ANKFY1: variants seen among roughly 807,000 people sequenced by gnomAD.
ANKFY1 encodes the protein ankyrin repeat and FYVE domain-containing protein 1.
Under a neutral mutation model 128.3 loss-of-function variants are expected in ANKFY1, and 47 were observed. The ratio of observed to expected loss-of-function variants is 0.37; its 90% CI spans 0.29 to 0.47. The LOEUF (loss-of-function observed/expected upper bound fraction) is 0.47. ANKFY1 is among the 20% of genes least tolerant of loss of function. The pLI, the probability that ANKFY1 is intolerant of heterozygous loss-of-function variation, is 1.00. For missense variants in ANKFY1, 1,222 were observed against 1,510.6 expected (o/e 0.81, Z 3.17); for synonymous variants, 553 against 601.6 (o/e 0.92, Z 1.18).
chr17:4,190,539 C>T (rs1469644532), intron 10 of ANKFY1, among the ~76,000 whole-genome samples: 2 of 152,146 alleles, frequency 1.3e-5, no homozygotes, highest in Non-Finnish European at 2.9e-5. Context: ...GCTGGATGAC[C>T]ATTTTGAAAA....
At chr17:4,246,792 T>C (rs921373969) in intron 1 of ANKFY1, among the ~76,000 whole-genome samples, 5 of 152,148 alleles carry the variant, frequency 3.3e-5, no homozygotes, top group African/African-American at 1.2e-4. Context: ...TTTGGCAGAT[T>C]AGGAGGTGCC....
intron 3 of ANKFY1, among the ~76,000 whole-genome samples, chr17:4,224,305 C>T (rs1210253787): frequency 7.2e-6 from 1 of 138,722 alleles, no homozygotes; most frequent in Non-Finnish European, 1.5e-5. Flanking sequence ...TCACTGCAGG[C>T]TCTGCCCCCG....
At chr17:4,246,301 G>A (rs1457797815) in intron 1 of ANKFY1, among the ~76,000 whole-genome samples, 2 of 152,154 alleles carry the variant, frequency 1.3e-5, no homozygotes, top group Non-Finnish European at 1.5e-5. Context: ...AGAAGGTTTC[G>A]ATCTTTTATT....
rs753717893 is a variant in ANKFY1, at chr17:4,263,966, C to A, written c.-25G>T. ...TGTCTGGCCCGGCACTGCCTGCAAC[C>A]TCGCGAGAAGTGCGCGGCTCAACCG... On this transcript the variant is annotated 5_prime_UTR_variant, in exon 1 of 25. It adds an upstream start codon to the 5' untranslated region. Transcript: ENST00000341657. 8.7e-6 allele frequency: 14 copies of A among 1,613,866 alleles called. No individual in the cohort carries two copies. The highest frequency in any genetic ancestry group is 1.1e-5 in the Non-Finnish European group (13 of 1,179,960).
intron 16 of ANKFY1, chr17:4,180,963 C>G (rs1406979179): frequency 6.4e-6 from 2 of 313,194 alleles, no homozygotes; most frequent in Non-Finnish European, 1.2e-5. Flanking sequence ...CCTCCTGCTT[C>G]ACAGTCTGAA....
chr17:4,241,843 A>C (rs906026588), intron 2 of ANKFY1, among the ~76,000 whole-genome samples: 10 of 151,510 alleles, frequency 6.6e-5, no homozygotes, highest in African/African-American at 2.4e-4. Flanking sequence ...TAATCCCAGC[A>C]CTCTGGGAGG....
At chr17:4,215,306 T>G (rs1364736888) in intron 4 of ANKFY1, among the ~76,000 whole-genome samples, 1 of 122,938 alleles carries the variant, frequency 8.1e-6, no homozygotes, top group African/African-American at 2.7e-5. Context: ...AAAAAAAAAA[T>G]TAAGAGTATT....
intron 1 of ANKFY1, chr17:4,263,472 C>T: frequency 1.2e-6 from 1 of 867,286 alleles, no homozygotes; most frequent in Non-Finnish European, 1.7e-6. Context: ...GCCCCCACCC[C>T]ACCCCACCTC....
chr17:4,202,054 A>G (rs1463531705), intron 7 of ANKFY1, among the ~76,000 whole-genome samples: 1 of 152,186 alleles, frequency 6.6e-6, no homozygotes, highest in Non-Finnish European at 1.5e-5. Flanking sequence ...TCAGGGGAGA[A>G]GGGTTAATGT....
At chr17:4,172,419 A>G in intron 22 of ANKFY1, 137 bp downstream of exon 22, 1 of 1,220,418 alleles carries the variant, frequency 8.2e-7, no homozygotes. Flanking sequence ...AGGGCTCTGT[A>G]ACTCACACCC....
intron 1 of ANKFY1, among the ~76,000 whole-genome samples, chr17:4,248,004 A>G (rs1014743887): frequency 2.0e-5 from 3 of 152,240 alleles, no homozygotes; most frequent in East Asian, 3.8e-4. Context: ...CTGATAGCCC[A>G]GAGCTCGCAT....
chr17:4,263,877 A>T lies in ANKFY1; in HGVS notation c.10+55T>A, dbSNP rs555160305. ...CCTCCCACGGCAGCTTCGCACGGCC[A>T]GCAGCGCCCCCACAGCTCCGTGTCT... is the stretch of plus-strand genomic sequence containing the variant. On this transcript the variant is annotated intron_variant, in intron 1 of 24. Transcript: ENST00000341657. 2.5e-5 allele frequency: 40 copies of T among 1,613,192 alleles called. 1 individual carries two copies. The Middle Eastern group carries it at 5.0e-4, about 20-fold the overall frequency.
rs114311320 is a variant in ANKFY1, at chr17:4,204,740, T to C, written c.898+1581A>G. ...AGTAACAGGGTATCTGTTTCCAAAATAAACATCTCAGACACGAAACAGTGT... is the reference window on the plus strand; with the variant it reads ...AGTAACAGGGTATCTGTTTCCAAAACAAACATCTCAGACACGAAACAGTGT... On this transcript the variant is annotated intron_variant, in intron 7 of 24. Coordinates refer to ENST00000341657, the MANE Select transcript of ANKFY1 (RefSeq NM_001330063.2). Among the ~76,000 whole-genome samples the C allele has an allele frequency of 8.6e-3, 1,313 of 151,804 alleles. 16 individuals carry two copies. Among genetic ancestry groups the C allele is most frequent in the African/African-American group, 0.031 (1,270 of 41,408 alleles).
intron 3 of ANKFY1, chr17:4,223,389 T>A (rs781558591): frequency 1.5e-5 from 24 of 1,584,064 alleles, no homozygotes; most frequent in Non-Finnish European, 2.1e-5. Context: ...ATGAGCTACC[T>A]GGCCAGAACG....
chr17:4,182,069 A>T, intron 15 of ANKFY1, 112 bp downstream of exon 15: 1 of 1,106,146 alleles, frequency 9.0e-7, no homozygotes, highest in Non-Finnish European at 1.2e-6. Context: ...TCCTTGTCCC[A>T]CTATGTTACT....
At chr17:4,258,322 A>G (rs904927637) in intron 1 of ANKFY1, among the ~76,000 whole-genome samples, 3 of 152,060 alleles carry the variant, frequency 2.0e-5, no homozygotes, top group African/African-American at 7.2e-5. Flanking sequence ...TCAGGAGATC[A>G]AGACCATCCT....
At chr17:4,187,011 C>T (rs566338534) in intron 11 of ANKFY1, 11 of 1,222,726 alleles carry the variant, frequency 9.0e-6, no homozygotes, top group Non-Finnish European at 1.0e-5. Context: ...TTTTTAAATT[C>T]GTATTTCAGT....
chr17:4,243,334 G>A (rs536650412), intron 1 of ANKFY1, among the ~76,000 whole-genome samples: 100 of 152,108 alleles, frequency 6.6e-4, no homozygotes, highest in African/African-American at 2.1e-3. Context: ...CCAAAGTGTC[G>A]GGAGTACAGG....
chr17:4,258,263 C>T (rs1383302516), intron 1 of ANKFY1, among the ~76,000 whole-genome samples: 6 of 152,148 alleles, frequency 3.9e-5, no homozygotes, highest in South Asian at 4.1e-4. Context: ...CGGTGGCTCA[C>T]GCCTGTAATC....
Sources: gnomAD v4.1 joint callset for allele counts (sites outside exome capture counted in the v4.1 genomes callset) on GRCh38, gnomAD v4.1.1 for gene constraint, MANE v1.5 for transcripts, NCBI Gene and HGNC (gene_info 2026-07-23, HGNC 2026-07-21) for gene names.